IQCJ: variants seen among roughly 807,000 people sequenced by gnomAD.
IQCJ encodes the protein IQ motif containing J.
A neutral mutation model predicts 11.0 loss-of-function variants in IQCJ; 9 were observed. The observed-to-expected ratio is 0.82, with a 90% CI of 0.49 to 1.43. The LOEUF is 1.43. Among genes scored for constraint, IQCJ ranks in the 40% most tolerant of loss-of-function variants. The pLI is 0.00. For synonymous variants in IQCJ, 55 were observed against 51.3 expected, an observed-to-expected ratio of 1.07 and a Z score of -0.31; for missense variants, 146 against 133.2, an observed-to-expected ratio of 1.10 and a Z score of -0.47.
At chr3:159,236,522 T>G (rs559353953) in intron 1 of IQCJ, among the ~76,000 whole-genome samples, 1 of 152,286 alleles carries the variant, frequency 6.6e-6, no homozygotes, top group African/African-American at 2.4e-5. Flanking sequence ...CCAATTTAAT[T>G]TTCTGAAGTT....
At chr3:159,085,030 T>G (rs1394987780) in intron 1 of IQCJ, among the ~76,000 whole-genome samples, 1 of 152,092 alleles carries the variant, frequency 6.6e-6, no homozygotes, top group Non-Finnish European at 1.5e-5. Context: ...ACTCGTCATC[T>G]AGCATTAGGT....
intron 1 of IQCJ, among the ~76,000 whole-genome samples, chr3:159,093,854 C>A (rs1717523040): frequency 6.6e-6 from 1 of 151,810 alleles, no homozygotes; most frequent in Non-Finnish European, 1.5e-5. Context: ...AACTTGCTCA[C>A]TATCACAAGA....
intron 1 of IQCJ, 94 bp downstream of exon 1, chr3:159,069,535 T>C (rs1310217511): frequency 6.6e-7 from 1 of 1,515,732 alleles, no homozygotes. Context: ...AATTAACATG[T>C]ATGCAAAAAA....
chr3:159,211,519 C>A (rs753909152), intron 1 of IQCJ, among the ~76,000 whole-genome samples: 6 of 152,176 alleles, frequency 3.9e-5, no homozygotes, highest in Non-Finnish European at 8.8e-5. Flanking sequence ...GTTGTGCCCA[C>A]ACAGAACAAA....
chr3:159,203,811 T>TG lies in IQCJ; in HGVS notation c.10-42031dup, dbSNP rs1276395336. 3.3e-5 allele frequency among the ~76,000 whole-genome samples: 5 copies of TG among 151,994 alleles called. No homozygotes were observed. The East Asian group carries it at 9.7e-4, about 29-fold the overall frequency. On this transcript the variant is annotated intron_variant, in intron 1 of 3. Coordinates refer to ENST00000397832, the MANE Select transcript of IQCJ (RefSeq NM_001042706.3). ...TGTAATTATAAGATGGTGTACCAGGTGTGTGAGAGGTCTGAGTCCCCAGAT... is the reference window on the plus strand; with the variant it reads ...TGTAATTATAAGATGGTGTACCAGGTGGTGTGAGAGGTCTGAGTCCCCAGAT...
chr3:159,114,399 CTCCCAGGT>C (rs1158039501), intron 1 of IQCJ, among the ~76,000 whole-genome samples: 2 of 151,136 alleles, frequency 1.3e-5, no homozygotes, highest in African/African-American at 4.9e-5. Context: ...CAACCTCTGT[CTCCCAGGT>C]TCAAGCGATC....
At chr3:159,181,207 A>G (rs1723072249) in intron 1 of IQCJ, among the ~76,000 whole-genome samples, 1 of 151,366 alleles carries the variant, frequency 6.6e-6, no homozygotes, top group Non-Finnish European at 1.5e-5. Flanking sequence ...CCTTCTTGAG[A>G]TTTCCTGCCT....
At chr3:159,147,738 A>G (rs1720998116) in intron 1 of IQCJ, among the ~76,000 whole-genome samples, 1 of 152,242 alleles carries the variant, frequency 6.6e-6, no homozygotes, top group African/African-American at 2.4e-5. Flanking sequence ...TAACAAATAT[A>G]TGAACTCTGT....
At chr3:159,232,358 T>C (rs552900940) in intron 1 of IQCJ, among the ~76,000 whole-genome samples, 1 of 152,176 alleles carries the variant, frequency 6.6e-6, no homozygotes, top group East Asian at 1.9e-4. Context: ...TCAAATAACT[T>C]ATTTATTACT....
intron 1 of IQCJ, among the ~76,000 whole-genome samples, chr3:159,156,851 CA>C (rs752953366): frequency 1.3e-4 from 20 of 152,158 alleles, no homozygotes; most frequent in Non-Finnish European, 2.2e-4. Context: ...TGAGCCTATC[CA>C]ATGATTAATA....
chr3:159,250,500 C>A (rs1003582664), intron 2 of IQCJ, among the ~76,000 whole-genome samples: 2 of 152,094 alleles, frequency 1.3e-5, no homozygotes, highest in African/African-American at 2.4e-5. Context: ...TGAGACTGGG[C>A]AATTTATAAA....
chr3:159,116,267 C>T (rs1277711373), intron 1 of IQCJ, among the ~76,000 whole-genome samples: 1 of 151,320 alleles, frequency 6.6e-6, no homozygotes, highest in African/African-American at 2.4e-5. Flanking sequence ...AGAAGAGGAA[C>T]AAGAGGAAGA....
intron 1 of IQCJ, among the ~76,000 whole-genome samples, chr3:159,160,210 A>G (rs1489160959): frequency 6.6e-6 from 1 of 152,196 alleles, no homozygotes; most frequent in Non-Finnish European, 1.5e-5. Context: ...CCCTGTTTCC[A>G]TCACCAACAC....
chr3:159,073,515 G>T (rs1238926799), intron 1 of IQCJ, among the ~76,000 whole-genome samples: 2 of 152,038 alleles, frequency 1.3e-5, no homozygotes, highest in Non-Finnish European at 1.5e-5. Flanking sequence ...CAGGCATTTT[G>T]CCTGTCTCAC....
chr3:159,108,045 T>G (rs1296716399), intron 1 of IQCJ, among the ~76,000 whole-genome samples: 2 of 126,940 alleles, frequency 1.6e-5, no homozygotes, highest in Non-Finnish European at 1.7e-5. Context: ...TTCTAGAAAA[T>G]GACCAATGGG....
chr3:159,161,372 T>C (rs565765357), intron 1 of IQCJ, among the ~76,000 whole-genome samples: 1 of 152,044 alleles, frequency 6.6e-6, no homozygotes. Flanking sequence ...CTTTTTGATG[T>C]GGTTGTTTGT....
intron 1 of IQCJ, among the ~76,000 whole-genome samples, chr3:159,210,996 A>T (rs1224531384): frequency 6.6e-6 from 1 of 152,206 alleles, no homozygotes. Flanking sequence ...TATGAAATAG[A>T]GTGCAAATTT....
chr3:159,173,546 T>C lies in IQCJ; in HGVS notation c.10-72297T>C, dbSNP rs561442555. 5.3e-5 allele frequency among the ~76,000 whole-genome samples: 8 copies of C among 152,314 alleles called. No homozygotes were observed. The South Asian group carries it at 1.2e-3, about 24-fold the overall frequency. Reference sequence around the variant, plus strand: ...TTTCTCTTCTTGCCAAAGATATCTGTGGATATTAATTCTCTTATGCACCTA... The same window carrying C: ...TTTCTCTTCTTGCCAAAGATATCTGCGGATATTAATTCTCTTATGCACCTA... On this transcript the variant is annotated intron_variant, in intron 1 of 3. Transcript: ENST00000397832.
chr3:159,126,634 G>A (rs554146623), intron 1 of IQCJ, among the ~76,000 whole-genome samples: 1 of 152,210 alleles, frequency 6.6e-6, no homozygotes, highest in South Asian at 2.1e-4. Context: ...GAAAAAGCTG[G>A]GTGTTTTTCA....
Sources: allele counts gnomAD v4.1 joint callset (sites outside exome capture counted in the v4.1 genomes callset), GRCh38; gene constraint gnomAD v4.1.1; transcripts MANE v1.5; gene names NCBI Gene and HGNC (gene_info 2026-07-23, HGNC 2026-07-21).